The following CNTNAP2 variants were observed in gnomAD, a reference collection of about 807,000 sequenced individuals.
The protein encoded by CNTNAP2 is contactin-associated protein-like 2.
CNTNAP2 carries 98 observed loss-of-function variants against 155.2 expected under a neutral mutation model. That is an observed-to-expected ratio of 0.63 (90% confidence interval 0.54 to 0.75). CNTNAP2 has a LOEUF of 0.75. Ranked by LOEUF, CNTNAP2 falls within the 30% of genes least tolerant of loss-of-function variation. The pLI, the probability that CNTNAP2 is intolerant of heterozygous loss-of-function variation, is 0.00. For synonymous variants in CNTNAP2, 651 were observed against 631.2 expected (o/e 1.03, Z -0.47); for missense variants, 1,727 against 1,688.1 (o/e 1.02, Z -0.40).
intron 8 of CNTNAP2, among the ~76,000 whole-genome samples, chr7:147,242,392 T>C (rs1258935766): frequency 6.6e-6 from 1 of 152,192 alleles, no homozygotes; most frequent in Non-Finnish European, 1.5e-5. Context: ...CTGTAATAAA[T>C]AGTAGTACCC....
chr7:148,230,396 C>T (rs906977675), intron 20 of CNTNAP2, among the ~76,000 whole-genome samples: 2 of 152,154 alleles, frequency 1.3e-5, no homozygotes, highest in Non-Finnish European at 2.9e-5. Flanking sequence ...TTGGGAAACA[C>T]CATGAATAAA....
chr7:146,935,510 T>G (rs1186146059), intron 3 of CNTNAP2, among the ~76,000 whole-genome samples: 2 of 152,204 alleles, frequency 1.3e-5, no homozygotes, highest in African/African-American at 2.4e-5. Flanking sequence ...GCCTTCACTC[T>G]TCTAGAAGGG....
intron 9 of CNTNAP2, among the ~76,000 whole-genome samples, chr7:147,319,837 C>G (rs1235822788): frequency 2.6e-5 from 4 of 152,076 alleles, no homozygotes; most frequent in African/African-American, 9.7e-5. Flanking sequence ...GATGAAGGGG[C>G]TGGTATGGCA....
chr7:147,842,406 T>C (rs1798758909), intron 13 of CNTNAP2, among the ~76,000 whole-genome samples: 1 of 152,204 alleles, frequency 6.6e-6, no homozygotes, highest in African/African-American at 2.4e-5. Context: ...ATATTCTATG[T>C]TAATAATATA....
intron 8 of CNTNAP2, among the ~76,000 whole-genome samples, chr7:147,138,252 A>G (rs755393373): frequency 6.6e-6 from 1 of 151,934 alleles, no homozygotes; most frequent in Non-Finnish European, 1.5e-5. Flanking sequence ...CACTTTAATT[A>G]GGAGCCTAGA....
intron 15 of CNTNAP2, among the ~76,000 whole-genome samples, chr7:148,016,450 A>G (rs1258733215): frequency 6.6e-6 from 1 of 152,224 alleles, no homozygotes; most frequent in Non-Finnish European, 1.5e-5. Context: ...CAGCTCCTGC[A>G]CAGTACCACT....
At chr7:147,334,730 T>C (rs826796) in intron 9 of CNTNAP2, among the ~76,000 whole-genome samples, 119,955 of 152,038 alleles carry the variant, frequency 0.79, 47,950 homozygotes, top group African/African-American at 0.92. Context: ...CTGTCACCCC[T>C]AGCTGTCTAG....
intron 1 of CNTNAP2, among the ~76,000 whole-genome samples, chr7:146,672,704 A>G (rs1769426944): frequency 6.6e-6 from 1 of 152,224 alleles, no homozygotes; most frequent in Non-Finnish European, 1.5e-5. Flanking sequence ...TATTTCTCAA[A>G]TAGGTACAAT....
intron 14 of CNTNAP2, among the ~76,000 whole-genome samples, chr7:147,918,710 C>G (rs572375867): frequency 6.6e-6 from 1 of 152,242 alleles, no homozygotes; most frequent in Non-Finnish European, 1.5e-5. Flanking sequence ...AAAAACTACC[C>G]TTATGCAGGA....
intron 7 of CNTNAP2, among the ~76,000 whole-genome samples, chr7:147,131,118 T>C (rs1801346389): frequency 6.8e-6 from 1 of 147,860 alleles, no homozygotes; most frequent in South Asian, 2.1e-4. Flanking sequence ...ATATATACCA[T>C]ATACATATAT....
intron 1 of CNTNAP2, among the ~76,000 whole-genome samples, chr7:146,346,691 A>C (rs968173421): frequency 6.6e-6 from 1 of 152,068 alleles, no homozygotes; most frequent in African/African-American, 2.4e-5. Context: ...TGGGTGACAG[A>C]GCAAGACTCG....
chr7:146,664,231 G>C (rs997338016), intron 1 of CNTNAP2, among the ~76,000 whole-genome samples: 4 of 141,284 alleles, frequency 2.8e-5, no homozygotes, highest in African/African-American at 1.0e-4. Context: ...GCATGATCTC[G>C]GGTCACTGCA....
chr7:146,935,095 G>A (rs1796882676), intron 3 of CNTNAP2, among the ~76,000 whole-genome samples: 2 of 152,138 alleles, frequency 1.3e-5, no homozygotes, highest in Non-Finnish European at 1.5e-5. Context: ...TTGGAACTGT[G>A]CACCCATTGG....
intron 13 of CNTNAP2, among the ~76,000 whole-genome samples, chr7:147,734,501 G>C (rs1472867791): frequency 6.6e-6 from 1 of 152,114 alleles, no homozygotes; most frequent in Non-Finnish European, 1.5e-5. Flanking sequence ...TCTCTGCCAG[G>C]CTTCGGTATC....
intron 21 of CNTNAP2, among the ~76,000 whole-genome samples, chr7:148,323,881 A>ATT (rs35049282): frequency 4.2e-4 from 43 of 102,576 alleles, no homozygotes; most frequent in African/African-American, 8.7e-4. Context: ...CTGAAGCCCC[A>ATT]TTTTTTTTTT....
In CNTNAP2 at chr7:146,247,956, G is replaced by A. The variant is rs139102286; in HGVS notation, c.97+130983G>A. 9.5e-3 allele frequency among the ~76,000 whole-genome samples: 1,433 copies of A among 151,214 alleles called. 75 individuals are homozygous for A. The highest frequency in any genetic ancestry group is 0.075 in the Admixed American group (1,140 of 15,178). On this transcript the variant is annotated intron_variant, in intron 1 of 23. Coordinates refer to ENST00000361727, the MANE Select transcript of CNTNAP2 (RefSeq NM_014141.6). ...GCACAGAGATACGAGGTCAGGGCAC[G>A]GAAATAAGGGATCGGGGTGCAGAGA...
intron 15 of CNTNAP2, among the ~76,000 whole-genome samples, chr7:148,066,948 T>G (rs1445738495): frequency 6.6e-6 from 1 of 152,274 alleles, no homozygotes; most frequent in South Asian, 2.1e-4. Context: ...TTTCCAGAAG[T>G]TTTGATTGTC....
intron 4 of CNTNAP2, among the ~76,000 whole-genome samples, chr7:147,068,084 C>T (rs1431722483): frequency 6.6e-6 from 1 of 152,162 alleles, no homozygotes; most frequent in Non-Finnish European, 1.5e-5. Flanking sequence ...TTTACTTCTT[C>T]AGGGATGGCA....
At chr7:146,145,726 C>G (rs1166877835) in intron 1 of CNTNAP2, among the ~76,000 whole-genome samples, 3 of 152,130 alleles carry the variant, frequency 2.0e-5, no homozygotes, top group African/African-American at 7.2e-5. Flanking sequence ...GGAGAAACTC[C>G]CACACTGATT....
Sources: gnomAD v4.1 joint callset for allele counts (sites outside exome capture counted in the v4.1 genomes callset) on GRCh38, gnomAD v4.1.1 for gene constraint, MANE v1.5 for transcripts, NCBI Gene and HGNC (gene_info 2026-07-23, HGNC 2026-07-21) for gene names.